The following JAKMIP1 variants were observed in gnomAD, a reference collection of about 807,000 sequenced individuals.
JAKMIP1 encodes janus kinase and microtubule interacting protein 1, also known as janus kinase and microtubule-interacting protein 1.
JAKMIP1 carries 33 observed loss-of-function variants against 113.0 expected under a neutral mutation model. The observed-to-expected ratio is 0.29, with a 90% CI of 0.22 to 0.39. JAKMIP1 has a LOEUF of 0.39. Among genes scored for constraint, JAKMIP1 ranks in the 10% least tolerant of loss-of-function variants. The pLI is 1.00. For synonymous variants in JAKMIP1, 480 were observed against 459.9 expected (o/e 1.04, Z -0.56); for missense variants, 813 against 1,080.5 (o/e 0.75, Z 3.47).
rs1318621132 is a variant in JAKMIP1, at chr4:6,042,581, A to G, written c.2029-354T>C. Among the ~76,000 whole-genome samples the G allele has an allele frequency of 6.6e-6, 1 of 152,014 alleles. No homozygotes were observed. Among genetic ancestry groups the G allele is most frequent in the Non-Finnish European group, 1.5e-5 (1 of 68,006 alleles). ...CCTGCTCTGTGCTGATGCTTCACAC[A>G]GGAGACCTCATCTGACTCTCTTACG... On this transcript the variant is annotated intron_variant, in intron 16 of 20. Transcript: ENST00000409021. The surrounding 1 kb of genome is among the most constrained non-coding windows in gnomAD (Gnocchi z 5.2).
chr4:6,145,965 T>A (rs1268387179), intron 1 of JAKMIP1, among the ~76,000 whole-genome samples: 2 of 152,216 alleles, frequency 1.3e-5, no homozygotes, highest in African/African-American at 4.8e-5. Context: ...GTACTGAGGA[T>A]GAAGGCTTCG....
chr4:6,126,031 C>T (rs1007926260), intron 1 of JAKMIP1, among the ~76,000 whole-genome samples: 4 of 144,906 alleles, frequency 2.8e-5, no homozygotes, highest in Admixed American at 2.1e-4. Flanking sequence ...ACACACCATG[C>T]AGAAACACAC....
At chr4:6,132,647 T>TAA (rs71646639) in intron 1 of JAKMIP1, among the ~76,000 whole-genome samples, 1,988 of 117,986 alleles carry the variant, frequency 0.017, 46 homozygotes, top group African/African-American at 0.045. Flanking sequence ...GCCTCAAAAA[T>TAA]AAAAAAAAAA....
chr4:6,160,984 C>A (rs1228068813), intron 1 of JAKMIP1, among the ~76,000 whole-genome samples: 1 of 146,588 alleles, frequency 6.8e-6, no homozygotes, highest in African/African-American at 2.6e-5. Flanking sequence ...CCTCCACTCA[C>A]CTCCCTGACC....
In JAKMIP1 at chr4:6,131,253, G is replaced by A. The variant is rs138011040; in HGVS notation, c.-147-18256C>T. ...AAGAATAACAGGATGAGAAAGAGAA[G>A]AAGAAATTGAAGAAATATTTGAAGC... On this transcript the variant is annotated intron_variant, in intron 1 of 20. Coordinates refer to ENST00000409021, the MANE Select transcript of JAKMIP1 (RefSeq NM_001099433.2). Among the ~76,000 whole-genome samples the A allele has an allele frequency of 1.2e-3, 168 of 144,294 alleles. 2 individuals carry two copies. Among genetic ancestry groups the A allele is most frequent in the African/African-American group, 4.2e-3 (162 of 38,816 alleles). The allele number at this position is 144,294 out of a possible 152,430, so 94.7% of individuals were successfully genotyped here.
intron 16 of JAKMIP1, among the ~76,000 whole-genome samples, chr4:6,047,986 CAAAT>C (rs1279458702): frequency 3.3e-5 from 5 of 151,994 alleles, no homozygotes; most frequent in South Asian, 2.1e-4. Flanking sequence ...ACATATTTGT[CAAAT>C]GAATGAATGG....
rs191034372 is a variant in JAKMIP1 at position 6,141,307 on chromosome 4, G to A, written c.-147-28310C>T. ...AAAAATTAGCCAGGGGTGGTGGCGC[G>A]CATCTGTAATCCCAGCTACTTGACA... On this transcript the variant is annotated intron_variant, in intron 1 of 20. Transcript: ENST00000409021. The surrounding 1 kb of genome is among the most constrained non-coding windows in gnomAD (Gnocchi z 9.4). Among the ~76,000 whole-genome samples the A allele has an allele frequency of 1.4e-3, 220 of 152,088 alleles. No homozygotes were observed. Among genetic ancestry groups the A allele is most frequent in the Non-Finnish European group, 1.4e-3 (98 of 68,006 alleles).
intron 19 of JAKMIP1, among the ~76,000 whole-genome samples, chr4:6,030,047 G>A (rs1344179593): frequency 3.9e-5 from 6 of 152,178 alleles, no homozygotes; most frequent in Non-Finnish European, 8.8e-5. Flanking sequence ...ACTAATAATG[G>A]ATCGTGCCTG....
At position 6,199,651 on chromosome 4, in the gene JAKMIP1, G is replaced by C. The variant is rs969194645; in HGVS notation, c.-148+602C>G. ...CGCCCACGTGGGCGGAGCAGCGCGA[G>C]GGTGTGCGTGGCAGGGGCCGCGGCG... On this transcript the variant is annotated intron_variant, in intron 1 of 20. Transcript: ENST00000409021. The surrounding 1 kb of genome is among the most constrained non-coding windows in gnomAD (Gnocchi z 5.6). Among the ~76,000 whole-genome samples the C allele has an allele frequency of 6.6e-5, 10 of 151,778 alleles. No individual in the cohort carries two copies. Among genetic ancestry groups the C allele is most frequent in the Admixed American group, 5.9e-4 (9 of 15,250 alleles).
rs913239224 is a variant in JAKMIP1, at chr4:6,044,501, A to G, written c.2029-2274T>C. ...GCACCCTGTGCCAGCCGCGGTGGCC[A>G]GCACTTCCTCAAACAAGGCTCAGAC... On this transcript the variant is annotated intron_variant, in intron 16 of 20. Coordinates refer to ENST00000409021, the MANE Select transcript of JAKMIP1 (RefSeq NM_001099433.2). This position sits in a 1 kb window ranked among gnomAD's most constrained non-coding sequence, Gnocchi z 4.4. Among the ~76,000 whole-genome samples, 5 of 152,088 alleles carry G rather than the reference A, an allele frequency of 3.3e-5. No individual in the cohort carries two copies. The highest frequency in any genetic ancestry group is 7.4e-5 in the Non-Finnish European group (5 of 67,992).
Position 6,042,099 on chromosome 4 carries a change from A to G in JAKMIP1, c.2097+60T>C. ...AAACACATGCAAAGCCTTCCTGCAA[A>G]TCAACCTCTCTGAGCTCTTTGAACC... On this transcript the variant is annotated intron_variant, in intron 17 of 20. Coordinates refer to ENST00000409021, the MANE Select transcript of JAKMIP1 (RefSeq NM_001099433.2). This position sits in a 1 kb window ranked among gnomAD's most constrained non-coding sequence, Gnocchi z 5.2. 1 of 1,368,230 alleles carries G rather than the reference A, an allele frequency of 7.3e-7. No individual in the cohort carries two copies. Among genetic ancestry groups the G allele is most frequent in the Non-Finnish European group, 1.0e-6 (1 of 962,704 alleles). 84.8% of individuals were successfully genotyped at this position (1,368,230 alleles called of 1,614,324 possible).
chr4:6,092,890 C>T (rs1268082934), intron 3 of JAKMIP1, among the ~76,000 whole-genome samples: 1 of 152,138 alleles, frequency 6.6e-6, no homozygotes, highest in Non-Finnish European at 1.5e-5. Context: ...CTCATCTATA[C>T]CTTTTGCCAG....
At chr4:6,160,991 GACCTCCATTCATCTGCCCTC>G (rs1722851801) in intron 1 of JAKMIP1, among the ~76,000 whole-genome samples, 21 of 103,762 alleles carry the variant, frequency 2.0e-4, no homozygotes, top group African/African-American at 8.4e-4. Context: ...TCACCTCCCT[GACCTCCATTCATCTGCCCTC>G]ACCTCCACTC....
intron 20 of JAKMIP1, among the ~76,000 whole-genome samples, chr4:6,026,813 A>G (rs924491219): frequency 6.6e-6 from 1 of 151,612 alleles, no homozygotes; most frequent in Non-Finnish European, 1.5e-5. Context: ...GCAGCTTTGA[A>G]TGTGGCCCGA....
intron 1 of JAKMIP1, among the ~76,000 whole-genome samples, chr4:6,149,630 T>A (rs1721315347): frequency 6.6e-6 from 1 of 152,094 alleles, no homozygotes; most frequent in African/African-American, 2.4e-5. Context: ...AGTTCCTAAT[T>A]TAACATTCAA....
rs1722435409 is a variant in JAKMIP1, at chr4:6,093,869, C to G, written c.625-8240G>C. On this transcript the variant is annotated intron_variant, in intron 3 of 20. Coordinates refer to ENST00000409021, the MANE Select transcript of JAKMIP1 (RefSeq NM_001099433.2). This position sits in a 1 kb window ranked among gnomAD's most constrained non-coding sequence, Gnocchi z 4.6. The stretch of plus-strand genomic sequence containing the variant: ...CTCTGCCCACCACCACTCAATGTGT[C>G]TGGTCAACCTGTGTGCAGGGCTCCA... Among the ~76,000 whole-genome samples the G allele has an allele frequency of 6.6e-6, 1 of 152,122 alleles. No individual in the cohort carries two copies. Among genetic ancestry groups the G allele is most frequent in the South Asian group, 2.1e-4 (1 of 4,818 alleles).
At chr4:6,029,308 G>A (rs1034516442) in intron 20 of JAKMIP1, among the ~76,000 whole-genome samples, 1 of 152,242 alleles carries the variant, frequency 6.6e-6, no homozygotes, top group Non-Finnish European at 1.5e-5. Context: ...AGGAACATGC[G>A]ACTGGTCTGG....
chr4:6,128,480 G>A (rs1156355479), intron 1 of JAKMIP1, among the ~76,000 whole-genome samples: 3 of 152,248 alleles, frequency 2.0e-5, no homozygotes, highest in East Asian at 1.9e-4. Context: ...AGTCTTTATT[G>A]GCACAAGGTC....
intron 1 of JAKMIP1, among the ~76,000 whole-genome samples, chr4:6,190,161 T>C (rs895813926): frequency 2.0e-5 from 3 of 151,564 alleles, no homozygotes; most frequent in Admixed American, 2.0e-4. Flanking sequence ...AGGGCTATGG[T>C]TCATGGGGGA....
Sources: gnomAD v4.1 joint callset for allele counts (sites outside exome capture counted in the v4.1 genomes callset) on GRCh38, gnomAD v4.1.1 for gene constraint, Gnocchi (gnomAD v3.1) non-coding constraint, MANE v1.5 for transcripts, NCBI Gene and HGNC (gene_info 2026-07-23, HGNC 2026-07-21) for gene names.